The following PRKD1 variants were observed in gnomAD, a reference collection of about 807,000 sequenced individuals.
PRKD1 encodes the protein serine/threonine-protein kinase D1.
PRKD1 carries 63 observed loss-of-function variants against 95.9 expected under a neutral mutation model. The observed-to-expected ratio is 0.66, with a 90% CI of 0.54 to 0.81. The LOEUF is 0.81. Among genes scored for constraint, PRKD1 ranks in the 30% least tolerant of loss-of-function variants. PRKD1 has a pLI of 0.00. For missense variants in PRKD1, 1,048 were observed against 1,165.3 expected (o/e 0.90, Z 1.47); for synonymous variants, 425 against 423.1 (o/e 1.00, Z -0.05).
At chr14:29,840,813 C>T (rs933801476) in intron 1 of PRKD1, among the ~76,000 whole-genome samples, 7 of 152,276 alleles carry the variant, frequency 4.6e-5, no homozygotes, top group Middle Eastern at 3.4e-3. Context: ...CTCACTATGA[C>T]GAGAACAGCA....
rs58611172 is a variant in PRKD1, at chr14:29,631,796, T to TTTTATTTATTTA, written c.1393-787_1393-776dup. Reference sequence around the variant, plus strand: ...CAAGGGTGAGCCACTGCGCCTGGCCTTTTATTTATTTATTTTTATTTTTGA... The same window carrying TTTTATTTATTTA: ...CAAGGGTGAGCCACTGCGCCTGGCCTTTTATTTATTTATTTATTTATTTATTTTTATTTTTGA... On this transcript the variant is annotated intron_variant, in intron 9 of 17. Coordinates refer to ENST00000331968, the MANE Select transcript of PRKD1 (RefSeq NM_002742.3). Among the ~76,000 whole-genome samples, 761 of 141,002 alleles carry TTTTATTTATTTA rather than the reference T, an allele frequency of 5.4e-3. 5 individuals are homozygous for TTTTATTTATTTA. The highest frequency in any genetic ancestry group is 0.018 in the African/African-American group (706 of 39,304). The allele number at this position is 141,002 out of a possible 152,430, so 92.5% of individuals were successfully genotyped here. A position where few individuals can be genotyped will look rare whatever the true frequency, so the allele number is the denominator to read the frequency against.
chr14:29,755,691 C>T (rs1277072260), intron 1 of PRKD1, among the ~76,000 whole-genome samples: 1 of 152,132 alleles, frequency 6.6e-6, no homozygotes, highest in Non-Finnish European at 1.5e-5. Flanking sequence ...TCCAGCCCTC[C>T]AAAAGTTTGC....
chr14:29,612,461 T>A (rs1878535172), intron 13 of PRKD1, among the ~76,000 whole-genome samples: 2 of 152,260 alleles, frequency 1.3e-5, no homozygotes, highest in South Asian at 4.1e-4. Flanking sequence ...ATATAGGAGT[T>A]AATTTAGTCC....
intron 16 of PRKD1, among the ~76,000 whole-genome samples, chr14:29,578,901 A>C (rs1892663662): frequency 6.6e-6 from 1 of 152,174 alleles, no homozygotes; most frequent in African/African-American, 2.4e-5. Flanking sequence ...CCTGAAAACC[A>C]ACAGCCCAAG....
rs147242538 is a variant in PRKD1, at chr14:29,861,597, T to C, written c.264+65652A>G. The stretch of plus-strand genomic sequence containing the variant: ...TTTTATTTAAAATGTATAATTATTA[T>C]TGACTATAGTCACCCTGTCATGCTA... On this transcript the variant is annotated intron_variant, in intron 1 of 17. Coordinates refer to ENST00000331968, the MANE Select transcript of PRKD1 (RefSeq NM_002742.3). Among the ~76,000 whole-genome samples the C allele has an allele frequency of 6.8e-3, 1,041 of 152,278 alleles. 6 individuals are homozygous for C. Among genetic ancestry groups the C allele is most frequent in the Non-Finnish European group, 0.01 (712 of 68,008 alleles).
intron 2 of PRKD1, among the ~76,000 whole-genome samples, chr14:29,707,003 C>T (rs759633226): frequency 1.3e-5 from 2 of 152,048 alleles, no homozygotes; most frequent in Non-Finnish European, 2.9e-5. Flanking sequence ...GAACTGGAAG[C>T]AAGGCAAGGC....
chr14:29,761,848 T>G (rs1888006609), intron 1 of PRKD1, among the ~76,000 whole-genome samples: 1 of 150,310 alleles, frequency 6.7e-6, no homozygotes, highest in Non-Finnish European at 1.5e-5. Flanking sequence ...GGTGGCATGA[T>G]CCTAGCTCAC....
intron 1 of PRKD1, among the ~76,000 whole-genome samples, chr14:29,833,601 G>C (rs1891498048): frequency 6.6e-6 from 1 of 152,132 alleles, no homozygotes; most frequent in East Asian, 1.9e-4. Flanking sequence ...GGTATTTATT[G>C]TTTCTTCTAG....
intron 12 of PRKD1, among the ~76,000 whole-genome samples, chr14:29,626,011 C>A (rs1879593855): frequency 6.6e-6 from 1 of 151,916 alleles, no homozygotes; most frequent in Non-Finnish European, 1.5e-5. Context: ...TAGGTAAAGA[C>A]TTGATATTTC....
intron 1 of PRKD1, among the ~76,000 whole-genome samples, chr14:29,807,414 T>C (rs1890281339): frequency 6.6e-6 from 1 of 151,636 alleles, no homozygotes; most frequent in African/African-American, 2.4e-5. Context: ...AAAAAAAAAT[T>C]GAGACAGGGT....
chr14:29,582,338 A>T (rs544070287), intron 16 of PRKD1, among the ~76,000 whole-genome samples: 3 of 151,118 alleles, frequency 2.0e-5, no homozygotes, highest in Admixed American at 6.6e-5. Flanking sequence ...ACTTGTCTTA[A>T]ATACCTTGGT....
chr14:29,759,691 A>G (rs554557249), intron 1 of PRKD1, among the ~76,000 whole-genome samples: 3 of 152,320 alleles, frequency 2.0e-5, no homozygotes, highest in African/African-American at 7.2e-5. Context: ...ATGAGAGCTC[A>G]CCAAGCAAAC....
At chr14:29,817,463 T>C (rs1387188407) in intron 1 of PRKD1, among the ~76,000 whole-genome samples, 2 of 152,228 alleles carry the variant, frequency 1.3e-5, no homozygotes, top group African/African-American at 4.8e-5. Context: ...AAATGAAGAC[T>C]ATAATAAGAT....
intron 1 of PRKD1, among the ~76,000 whole-genome samples, chr14:29,761,780 C>CTTT (rs751775466): frequency 5.9e-5 from 8 of 135,182 alleles, no homozygotes; most frequent in African/African-American, 1.1e-4. Flanking sequence ...GATGTTCTTT[C>CTTT]TTTTTTTTTT....
chr14:29,764,515 G>T (rs1198860520), intron 1 of PRKD1, among the ~76,000 whole-genome samples: 2 of 152,120 alleles, frequency 1.3e-5, no homozygotes, highest in Non-Finnish European at 2.9e-5. Context: ...TGGAGGCTGG[G>T]AAGTCCAAGA....
At chr14:29,696,498 C>T (rs935993187) in intron 2 of PRKD1, among the ~76,000 whole-genome samples, 1 of 152,004 alleles carries the variant, frequency 6.6e-6, no homozygotes, top group African/African-American at 2.4e-5. Context: ...ATAAAGGCTG[C>T]TAATCATTAT....
chr14:29,750,469 G>A (rs1230791026), intron 1 of PRKD1, among the ~76,000 whole-genome samples: 2 of 152,032 alleles, frequency 1.3e-5, no homozygotes, highest in African/African-American at 4.8e-5. Flanking sequence ...ATTTAAGAAA[G>A]ATGAAGAAAA....
rs1892601786 is a variant in PRKD1, at chr14:29,577,564, C to CT, written c.2521-109dup. On this transcript the variant is annotated intron_variant, in intron 17 of 17. Coordinates refer to ENST00000331968, the MANE Select transcript of PRKD1 (RefSeq NM_002742.3). The stretch of plus-strand genomic sequence containing the variant: ...TATGAGTTACCCTTCTCCTTCCACT[C>CT]TAACAGCGCTGAATCTTTCATCACG... 2.9e-6 allele frequency: 3 copies of CT among 1,039,018 alleles called. No homozygotes were observed. The African/African-American group carries it at 4.7e-5, about 16-fold the overall frequency. 64.4% of individuals were successfully genotyped at this position (1,039,018 alleles called of 1,614,324 possible). A position where few individuals can be genotyped will look rare whatever the true frequency, so the allele number is the denominator to read the frequency against.
chr14:29,818,283 A>T (rs547854448), intron 1 of PRKD1, among the ~76,000 whole-genome samples: 1 of 152,346 alleles, frequency 6.6e-6, no homozygotes, highest in South Asian at 2.1e-4. Flanking sequence ...CAACAAACAG[A>T]AACACCATAC....
Sources: allele counts gnomAD v4.1 joint callset (sites outside exome capture counted in the v4.1 genomes callset), GRCh38; gene constraint gnomAD v4.1.1; transcripts MANE v1.5; gene names NCBI Gene and HGNC (gene_info 2026-07-23, HGNC 2026-07-21).